The following DENND1B variants were observed in gnomAD, a reference collection of about 807,000 sequenced individuals.
The protein encoded by DENND1B is DENN domain-containing protein 1B.
In DENND1B, 59 loss-of-function variants were observed where a neutral mutation model predicts 90.1. The ratio of observed to expected loss-of-function variants is 0.65; its 90% confidence interval spans 0.53 to 0.81. The LOEUF (loss-of-function observed/expected upper bound fraction) is 0.81, where lower values mean the gene tolerates loss of function less well. DENND1B is among the 40% of genes least tolerant of loss of function. DENND1B has a pLI of 0.00. For missense variants in DENND1B, 862 were observed against 912.6 expected (o/e 0.94, Z 0.71); for synonymous variants, 337 against 324.6 (o/e 1.04, Z -0.41).
chr1:197,621,624 C>T (rs1281420312), intron 10 of DENND1B, among the ~76,000 whole-genome samples: 1 of 150,878 alleles, frequency 6.6e-6, no homozygotes, highest in African/African-American at 2.4e-5. Context: ...CTAGAATTAC[C>T]CAAGTATCAT....
Position 197,505,912 on chromosome 1 carries a change from G to A in DENND1B, c.*4548C>T, listed in dbSNP as rs1040382279. The A allele has an allele frequency of 5.7e-5, 4 of 70,392 alleles. No homozygotes were observed. The highest frequency in any genetic ancestry group is 1.2e-4 in the Non-Finnish European group (4 of 32,002). 4.4% of individuals were successfully genotyped at this position (70,392 alleles called of 1,614,324 possible). On this transcript the variant is annotated 3_prime_UTR_variant, in exon 23 of 23. Coordinates refer to ENST00000620048, the MANE Select transcript of DENND1B (RefSeq NM_001195215.2). Reference sequence around the variant, plus strand: ...TTGTACCGTATATATTTCTTTTAAAGTAACAGTATTGTCAATCTAATCTAA... The same window carrying A: ...TTGTACCGTATATATTTCTTTTAAAATAACAGTATTGTCAATCTAATCTAA...
rs141618986 is a variant in DENND1B, at chr1:197,662,451, A to G, written c.297-4082T>C. On this transcript the variant is annotated intron_variant, in intron 5 of 22. Coordinates refer to ENST00000620048, the MANE Select transcript of DENND1B (RefSeq NM_001195215.2). ...GCAACTTATCTAGGGTCACAAAGCT[A>G]TGGAATGGCAATCTTGGGATTAGAA... Among the ~76,000 whole-genome samples the G allele has an allele frequency of 9.1e-3, 1,382 of 152,180 alleles. 19 individuals are homozygous for G. The highest frequency in any genetic ancestry group is 0.028 in the African/African-American group (1,175 of 41,546).
At chr1:197,642,859 A>T in intron 9 of DENND1B, 38 bp from the exon 10 acceptor site, 1 of 1,453,626 alleles carries the variant, frequency 6.9e-7, no homozygotes, top group South Asian at 1.2e-5. Flanking sequence ...GTTACAGCTC[A>T]TAGTGAATGT....
At chr1:197,763,185 C>T (rs1294420117) in intron 2 of DENND1B, among the ~76,000 whole-genome samples, 1 of 152,164 alleles carries the variant, frequency 6.6e-6, no homozygotes. Context: ...GTGACATACG[C>T]CTGTAGTACT....
chr1:197,688,272 T>A (rs895234352), intron 3 of DENND1B, among the ~76,000 whole-genome samples: 1 of 151,962 alleles, frequency 6.6e-6, no homozygotes, highest in African/African-American at 2.4e-5. Flanking sequence ...TTCAATGCAA[T>A]CCCTATCAAA....
chr1:197,652,711 C>T (rs542436855), intron 6 of DENND1B, among the ~76,000 whole-genome samples: 23 of 151,832 alleles, frequency 1.5e-4, no homozygotes, highest in African/African-American at 3.6e-4. Flanking sequence ...TTTTAAAATC[C>T]CAAAGCAATT....
intron 3 of DENND1B, among the ~76,000 whole-genome samples, chr1:197,677,643 C>A (rs1656231176): frequency 6.6e-6 from 1 of 152,162 alleles, no homozygotes; most frequent in Non-Finnish European, 1.5e-5. Flanking sequence ...GAGTGTTTTT[C>A]AAAACACAAA....
chr1:197,609,044 A>G (rs1302390401), intron 12 of DENND1B, among the ~76,000 whole-genome samples: 1 of 147,706 alleles, frequency 6.8e-6, no homozygotes, highest in Non-Finnish European at 1.5e-5. Flanking sequence ...GACTTCAGCT[A>G]TTTTTTTTTT....
chr1:197,775,193 G>A lies in DENND1B; in HGVS notation c.-38C>T. ...GTGTGGGGCTGTCCGTCCGGCCCCC[G>A]CGCGCTGGCCTGGAAGCCCGCAGCC... On this transcript the variant is annotated 5_prime_UTR_variant, in exon 1 of 23. Coordinates refer to ENST00000620048, the MANE Select transcript of DENND1B (RefSeq NM_001195215.2). 7.9e-7 allele frequency: 1 copy of A among 1,260,506 alleles called. No homozygotes were observed. 78.1% of individuals were successfully genotyped at this position (1,260,506 alleles called of 1,614,324 possible).
intron 12 of DENND1B, 101 bp from the exon 13 acceptor site, chr1:197,607,275 G>A: frequency 1.4e-6 from 1 of 740,728 alleles, no homozygotes; most frequent in Non-Finnish European, 2.0e-6. Flanking sequence ...CATTAGGCTT[G>A]GGAAAAGAAA....
At position 197,751,895 on chromosome 1, in the gene DENND1B, G is replaced by A. The variant is rs142153060; in HGVS notation, c.82+20973C>T. On this transcript the variant is annotated intron_variant, in intron 2 of 22. Transcript: ENST00000620048. ...AAGGAGGAGGAGGAGGAGGGAGGAGGAGGAGGAGGAGGGGAGAAGGAAAAG... is the reference window on the plus strand; with the variant it reads ...AAGGAGGAGGAGGAGGAGGGAGGAGAAGGAGGAGGAGGGGAGAAGGAAAAG... Among the ~76,000 whole-genome samples the A allele has an allele frequency of 2.5e-3, 360 of 146,180 alleles. 1 individual carries two copies. Among genetic ancestry groups the A allele is most frequent in the Middle Eastern group, 6.8e-3 (2 of 292 alleles).
In DENND1B at chr1:197,715,213, T is replaced by C. The variant is rs1304414692; in HGVS notation, c.83-139A>G. 5.6e-6 allele frequency: 3 copies of C among 538,764 alleles called. No homozygotes were observed. The African/African-American group carries it at 5.9e-5, about 11-fold the overall frequency. 33.4% of individuals were successfully genotyped at this position (538,764 alleles called of 1,614,324 possible). ...TTTTTCTTTAAACATTTATAGTTGA[T>C]GACATTCACTTCTCTTCCTTTCTAT... On this transcript the variant is annotated intron_variant, in intron 2 of 22. Transcript: ENST00000620048.
intron 3 of DENND1B, among the ~76,000 whole-genome samples, chr1:197,688,350 C>A (rs1238315652): frequency 2.0e-5 from 3 of 151,942 alleles, no homozygotes; most frequent in Non-Finnish European, 4.4e-5. Context: ...CACAAAGGAC[C>A]CCAAATAGCT....
At chr1:197,622,930 A>C (rs900684941) in intron 10 of DENND1B, among the ~76,000 whole-genome samples, 1 of 151,340 alleles carries the variant, frequency 6.6e-6, no homozygotes, top group Admixed American at 6.6e-5. Flanking sequence ...TCAGATTCCC[A>C]TGGACACAGC....
At chr1:197,610,880 T>C (rs866929365) in intron 12 of DENND1B, among the ~76,000 whole-genome samples, 1 of 151,038 alleles carries the variant, frequency 6.6e-6, no homozygotes, top group Non-Finnish European at 1.5e-5. Context: ...ATGTTTTTTT[T>C]GTTATTGTTG....
At chr1:197,674,055 T>A (rs1655799814) in intron 4 of DENND1B, 65 bp downstream of exon 4, 2 of 1,113,668 alleles carry the variant, frequency 1.8e-6, no homozygotes. Context: ...AAAAAGCACA[T>A]GTAATCATTT....
intron 7 of DENND1B, among the ~76,000 whole-genome samples, chr1:197,650,684 C>T (rs568195221): frequency 2.6e-5 from 4 of 152,148 alleles, no homozygotes; most frequent in Non-Finnish European, 4.4e-5. Context: ...ACTACTCAGC[C>T]GTAAAAAGGA....
intron 12 of DENND1B, among the ~76,000 whole-genome samples, chr1:197,610,909 G>A (rs1015634311): frequency 2.7e-5 from 4 of 150,638 alleles, no homozygotes; most frequent in Non-Finnish European, 6.0e-5. Context: ...AAAAAATGTT[G>A]CCCTAGCATT....
At chr1:197,679,920 C>G (rs1000964887) in intron 3 of DENND1B, among the ~76,000 whole-genome samples, 1 of 148,244 alleles carries the variant, frequency 6.7e-6, no homozygotes, top group African/African-American at 2.5e-5. Flanking sequence ...GAGGCCAAGG[C>G]AGGCGGATTG....
Sources: allele counts gnomAD v4.1 joint callset (sites outside exome capture counted in the v4.1 genomes callset), GRCh38; gene constraint gnomAD v4.1.1; transcripts MANE v1.5; gene names NCBI Gene and HGNC (gene_info 2026-07-23, HGNC 2026-07-21).